THSD7A: variants seen among roughly 807,000 people sequenced by gnomAD.
The protein encoded by THSD7A is thrombospondin type-1 domain-containing protein 7A.
Under a neutral mutation model 231.3 loss-of-function variants are expected in THSD7A, and 96 were observed. That is an observed-to-expected ratio of 0.41 (90% CI 0.35 to 0.49). The LOEUF is 0.49. THSD7A is among the 20% of genes least tolerant of loss of function. The probability of loss-of-function intolerance (pLI) is 0.05; values close to 1 mark genes in which losing one functional copy is unlikely to be tolerated. For missense variants in THSD7A, 2,290 were observed against 2,070.2 expected (o/e 1.11, Z -2.06); for synonymous variants, 940 against 743.3 (o/e 1.26, Z -4.30).
In THSD7A at chr7:11,541,407, C is replaced by A. The variant is rs759643642; in HGVS notation, c.1822+12G>T. 3 of 1,613,040 alleles carry A rather than the reference C, an allele frequency of 1.9e-6. No individual in the cohort carries two copies. The highest frequency in any genetic ancestry group is 3.3e-5 in the Admixed American group (2 of 59,952). On this transcript the variant is annotated intron_variant, in intron 6 of 27. Coordinates refer to ENST00000423059, the MANE Select transcript of THSD7A (RefSeq NM_015204.3). Reference sequence around the variant, plus strand: ...GACATCCATAAAAACATAATAGATACGTCTGTCTTACCATCACTGTTGATG... The same window carrying A: ...GACATCCATAAAAACATAATAGATAAGTCTGTCTTACCATCACTGTTGATG...
chr7:11,798,544 CAT>C (rs960620072), intron 1 of THSD7A, among the ~76,000 whole-genome samples: 17 of 151,018 alleles, frequency 1.1e-4, no homozygotes, highest in East Asian at 1.9e-4. Flanking sequence ...TTGTACAAAA[CAT>C]GTGTCTGAAG....
rs1245096740 is a variant in THSD7A, at chr7:11,553,721, T to C, written c.1454-10604A>G. ...GTCACAAAAGAATGTCTAAACTTTC[T>C]GAAGTTTCCAAAACAAATTTAAAAA... is the stretch of plus-strand genomic sequence containing the variant. On this transcript the variant is annotated intron_variant, in intron 4 of 27. Coordinates refer to ENST00000423059, the MANE Select transcript of THSD7A (RefSeq NM_015204.3). Among the ~76,000 whole-genome samples, 2 of 152,084 alleles carry C rather than the reference T, an allele frequency of 1.3e-5. 1 individual carries two copies. The highest frequency in any genetic ancestry group is 1.3e-4 in the Admixed American group (2 of 15,246).
In THSD7A at chr7:11,636,937, T is replaced by G. The variant is rs1023321855; in HGVS notation, c.215A>C (p.Asp72Ala). 2.5e-6 allele frequency: 4 copies of G among 1,611,034 alleles called. No individual in the cohort carries two copies. The African/African-American group carries it at 5.3e-5, about 22-fold the overall frequency. Residue 72 changes from aspartate to alanine, a missense_variant, in exon 2 of 28, where the codon GAT becomes GCT. Asp to Ala is a moderately radical substitution (Grantham distance 126, BLOSUM62 -2). Coordinates refer to ENST00000423059, the MANE Select transcript of THSD7A (RefSeq NM_015204.3). This position sits in a 1 kb window ranked among gnomAD's most constrained non-coding sequence, Gnocchi z 10.0. ...KTGPWGRCMG[D>A]ECGPGGIQTR... Reference sequence around the variant, plus strand: ...TTGGATGCCTCCGGGACCACATTCATCTCCCATACATCGGCCCCATGGACC... The same window carrying G: ...TTGGATGCCTCCGGGACCACATTCAGCTCCCATACATCGGCCCCATGGACC...
chr7:11,736,419 C>A (rs1378445804), intron 1 of THSD7A, among the ~76,000 whole-genome samples: 2 of 151,434 alleles, frequency 1.3e-5, no homozygotes, highest in African/African-American at 2.4e-5. Context: ...CATGGTGGTG[C>A]CACTGCACTC....
chr7:11,419,793 G>T (rs189757710), intron 16 of THSD7A, among the ~76,000 whole-genome samples: 111 of 152,342 alleles, frequency 7.3e-4, no homozygotes, highest in African/African-American at 2.5e-3. Flanking sequence ...TGAAATCCAG[G>T]CTGAGGTGTT....
At chr7:11,798,945 A>G (rs1445237282) in intron 1 of THSD7A, among the ~76,000 whole-genome samples, 1 of 150,270 alleles carries the variant, frequency 6.7e-6, no homozygotes, top group African/African-American at 2.5e-5. Context: ...TTTTTTTGAG[A>G]CAGAGTCTCA....
At chr7:11,390,065 C>G (rs1215232563) in intron 23 of THSD7A, among the ~76,000 whole-genome samples, 1 of 152,062 alleles carries the variant, frequency 6.6e-6, no homozygotes, top group Non-Finnish European at 1.5e-5. Flanking sequence ...TCATTTCAAC[C>G]TTTGTGAATC....
chr7:11,469,796 A>G, intron 9 of THSD7A, 83 bp downstream of exon 9: 1 of 930,980 alleles, frequency 1.1e-6, no homozygotes, highest in South Asian at 1.5e-5. Flanking sequence ...CAAAACTCAC[A>G]AACATTGCTA....
At chr7:11,382,242 A>C (rs796949458) in intron 24 of THSD7A, among the ~76,000 whole-genome samples, 4 of 152,252 alleles carry the variant, frequency 2.6e-5, no homozygotes, top group African/African-American at 9.6e-5. Flanking sequence ...AAGATCTGAA[A>C]ATTATTTATA....
chr7:11,423,412 A>G (rs1461226441), intron 16 of THSD7A, among the ~76,000 whole-genome samples: 2 of 137,036 alleles, frequency 1.5e-5, no homozygotes, highest in East Asian at 4.2e-4. Flanking sequence ...TCTGTCCCCC[A>G]GGCTGGAGTG....
chr7:11,823,544 G>A (rs1409328057), intron 1 of THSD7A, among the ~76,000 whole-genome samples: 1 of 152,016 alleles, frequency 6.6e-6, no homozygotes, highest in Non-Finnish European at 1.5e-5. Context: ...ATTTCTTTGG[G>A]CAGAACGGTC....
chr7:11,467,192 T>A (rs1269477415), intron 9 of THSD7A, among the ~76,000 whole-genome samples: 2 of 152,106 alleles, frequency 1.3e-5, no homozygotes, highest in Non-Finnish European at 2.9e-5. Context: ...TCTCCAATCC[T>A]CACTTGCAAT....
Position 11,429,035 on chromosome 7 carries a change from C to A in THSD7A, c.3155G>T (p.Gly1052Val). ...SNWSRCSKSCGSGVKVRSKWL... is the reference protein window; with the variant it reads ...SNWSRCSKSCVSGVKVRSKWL... ...TTTAGAACGAACCTTCACACCACTC[C>A]CACAGGACTTGCTGCAGCGCGACCA... Residue 1052 changes from glycine (G) to valine (V), a missense_variant, in exon 14 of 28, where the codon GGG (glycine) becomes GTG (valine). Physicochemically the swap from Gly to Val is moderately radical, Grantham distance 109 (BLOSUM62 -3). Coordinates refer to ENST00000423059, the MANE Select transcript of THSD7A (RefSeq NM_015204.3). The A allele has an allele frequency of 6.2e-7, 1 of 1,613,290 alleles. No individual in the cohort carries two copies. Among genetic ancestry groups the A allele is most frequent in the East Asian group, 2.2e-5 (1 of 44,852 alleles).
intron 6 of THSD7A, among the ~76,000 whole-genome samples, chr7:11,528,508 G>A (rs201783067): frequency 1.4e-4 from 21 of 152,144 alleles, no homozygotes; most frequent in African/African-American, 4.6e-4. Context: ...AAATCAGGGC[G>A]GTTTATGATA....
At position 11,636,989 on chromosome 7, in the gene THSD7A, C is replaced by A; in HGVS notation, c.191-28G>T. The stretch of plus-strand genomic sequence containing the variant: ...ACAAAAATTATAACACAAAAATTAG[C>A]AGTGCTACTAGAAGAAAACTACAAG... On this transcript the variant is annotated intron_variant, in intron 1 of 27. Coordinates refer to ENST00000423059, the MANE Select transcript of THSD7A (RefSeq NM_015204.3). The surrounding 1 kb of genome is among the most constrained non-coding windows in gnomAD (Gnocchi z 10.0). The A allele has an allele frequency of 6.4e-7, 1 of 1,573,840 alleles. No homozygotes were observed. The highest frequency in any genetic ancestry group is 8.6e-7 in the Non-Finnish European group (1 of 1,163,332).
At chr7:11,402,306 T>C (rs1783433798) in intron 22 of THSD7A, among the ~76,000 whole-genome samples, 1 of 152,230 alleles carries the variant, frequency 6.6e-6, no homozygotes, top group Non-Finnish European at 1.5e-5. Flanking sequence ...ATTATCATAG[T>C]AAAGTGGTTT....
chr7:11,704,432 G>A (rs1384498433), intron 1 of THSD7A, among the ~76,000 whole-genome samples: 2 of 150,774 alleles, frequency 1.3e-5, no homozygotes, highest in Non-Finnish European at 3.0e-5. Context: ...TAACCCTATG[G>A]GGAAAAGGGA....
intron 2 of THSD7A, among the ~76,000 whole-genome samples, chr7:11,596,062 A>G (rs1031406513): frequency 2.6e-5 from 4 of 152,258 alleles, no homozygotes; most frequent in Non-Finnish European, 5.9e-5. Flanking sequence ...ACAGAGAATC[A>G]TGGCCCCTCA....
chr7:11,568,986 C>CAA (rs34929385), intron 4 of THSD7A, among the ~76,000 whole-genome samples: 52,495 of 142,792 alleles, frequency 0.37, 10,121 homozygotes, highest in African/African-American at 0.51. Context: ...ACAATAGCTA[C>CAA]AAAAAAAAAA....
Sources: gnomAD v4.1 joint callset for allele counts (sites outside exome capture counted in the v4.1 genomes callset) on GRCh38, gnomAD v4.1.1 for gene constraint, Gnocchi (gnomAD v3.1) non-coding constraint, MANE v1.5 for transcripts, NCBI Gene and HGNC (gene_info 2026-07-23, HGNC 2026-07-21) for gene names.